SPOCD1: variants seen among roughly 807,000 people sequenced by gnomAD.
SPOCD1 encodes SPOC domain-containing protein 1.
In SPOCD1, 64 loss-of-function variants were observed where a neutral mutation model predicts 92.2. The observed-to-expected ratio is 0.69, with a 90% CI of 0.57 to 0.86. SPOCD1 has a LOEUF of 0.86. SPOCD1 is among the 40% of genes least tolerant of loss of function. SPOCD1 has a pLI of 0.00. For missense variants in SPOCD1, 1,360 were observed against 1,543.1 expected (o/e 0.88, Z 1.99); for synonymous variants, 578 against 619.3 (o/e 0.93, Z 0.99).
Position 31,798,667 on chromosome 1 carries a change from G to A in SPOCD1, c.1869-66C>T, listed in dbSNP as rs1403336310. The stretch of plus-strand genomic sequence containing the variant: ...GGCTCTCCAGGCACTTAGTCCCAGA[G>A]GGAGGCAGCTGGGTGGGCGGCAGGG... On this transcript the variant is annotated intron_variant, in intron 7 of 15. Transcript: ENST00000360482. The surrounding 1 kb of genome is among the most constrained non-coding windows in gnomAD (Gnocchi z 4.1). The A allele has an allele frequency of 1.3e-6, 2 of 1,555,112 alleles. No homozygotes were observed. The highest frequency in any genetic ancestry group is 2.3e-5 in the South Asian group (2 of 86,098).
In SPOCD1 at chr1:31,790,588, G is replaced by C; in HGVS notation, c.*15C>G. 6.5e-7 allele frequency: 1 copy of C among 1,549,944 alleles called. No homozygotes were observed. The highest frequency in any genetic ancestry group is 1.7e-4 in the Middle Eastern group (1 of 5,984). On this transcript the variant is annotated 3_prime_UTR_variant, in exon 16 of 16. Coordinates refer to ENST00000360482, the MANE Select transcript of SPOCD1 (RefSeq NM_144569.7). ...GTGAGGGCATCAAAACCCCTGTTCTGGTGGGTAAGGAGGGTCAGGCCTTTC... is the reference window on the plus strand; with the variant it reads ...GTGAGGGCATCAAAACCCCTGTTCTCGTGGGTAAGGAGGGTCAGGCCTTTC...
intron 2 of SPOCD1, among the ~76,000 whole-genome samples, chr1:31,808,937 T>G (rs1288159877): frequency 6.6e-6 from 1 of 152,242 alleles, no homozygotes; most frequent in Admixed American, 6.5e-5. Context: ...GGCTCATGCC[T>G]GCAATCCCAG....
chr1:31,796,528 G>A (rs1360079928), intron 10 of SPOCD1, 62 bp downstream of exon 10: 3 of 1,613,642 alleles, frequency 1.9e-6, no homozygotes, highest in Non-Finnish European at 2.5e-6. Context: ...CTGCTGGTGA[G>A]GCGAGGCGTG....
chr1:31,803,030 G>C (rs1211990091), intron 2 of SPOCD1, among the ~76,000 whole-genome samples: 2 of 31,756 alleles, frequency 6.3e-5, no homozygotes, highest in Admixed American at 6.3e-4. Flanking sequence ...AAACAGGGGT[G>C]TGGGAAGAAT....
intron 2 of SPOCD1, among the ~76,000 whole-genome samples, chr1:31,803,870 A>C (rs1421636517): frequency 2.0e-5 from 3 of 149,744 alleles, no homozygotes; most frequent in African/African-American, 7.6e-5. Flanking sequence ...AGGAAGAAAG[A>C]AGGAAGGAAG....
At chr1:31,804,483 A>G (rs11582164) in intron 2 of SPOCD1, among the ~76,000 whole-genome samples, 101,054 of 152,048 alleles carry the variant, frequency 0.66, 33,642 homozygotes, top group South Asian at 0.72. Context: ...GCAAAACATA[A>G]AAAAATAATA....
In SPOCD1 at chr1:31,815,223, G is replaced by C. The variant is rs768248004; in HGVS notation, c.111C>G (p.Gly37=). The C allele has an allele frequency of 6.2e-7, 1 of 1,607,458 alleles. No individual in the cohort carries two copies. Among genetic ancestry groups the C allele is most frequent in the Non-Finnish European group, 8.5e-7 (1 of 1,175,014 alleles). ...QNMEGASSMP[G]LSPDGPGASS... ...TTGCTCCCGGCCCATCTGGTGACAG[G>C]CCTGGCATGGAGCTGGCTCCTTCCA... Residue 37 remains glycine, a synonymous_variant, in exon 2 of 16, where the codon GGC becomes GGG. Transcript: ENST00000360482.
intron 10 of SPOCD1, chr1:31,795,800 T>C (rs1647969763): frequency 6.6e-6 from 1 of 152,408 alleles, no homozygotes; most frequent in South Asian, 2.1e-4. Context: ...TGACTGAATA[T>C]AGTTAAAGGG....
Position 31,791,244 on chromosome 1 carries a change from C to A in SPOCD1, c.3010G>T (p.Val1004Phe), listed in dbSNP as rs776289221. ...GCCAGCAACAGACTTGAGTGAGTGA[C>A]CTCCAGACCTGGGGAAAGGAGAGGG... The part of the protein sequence containing the change: ...VSPLLSPGLE[V>F]THSSLLLAVL... The change falls in exon 16 of 16, where the codon GTC becomes TTC. Residue 1004 changes from valine (V) to phenylalanine (F), a missense_variant. By Grantham distance (50) the Val-to-Phe change is conservative. Coordinates refer to ENST00000360482, the MANE Select transcript of SPOCD1 (RefSeq NM_144569.7). The A allele has an allele frequency of 4.4e-6, 7 of 1,577,590 alleles. No individual in the cohort carries two copies. The East Asian group carries it at 1.1e-4, about 25-fold the overall frequency.
At chr1:31,807,678 A>G (rs1347672880) in intron 2 of SPOCD1, among the ~76,000 whole-genome samples, 1 of 151,972 alleles carries the variant, frequency 6.6e-6, no homozygotes, top group Non-Finnish European at 1.5e-5. Context: ...GGAAGGTGAC[A>G]TTGACAACAA....
chr1:31,813,035 T>A (rs1649304077), intron 2 of SPOCD1, among the ~76,000 whole-genome samples: 1 of 152,224 alleles, frequency 6.6e-6, no homozygotes, highest in Non-Finnish European at 1.5e-5. Flanking sequence ...ATGATGATTA[T>A]AAGTAAAAGA....
Position 31,799,904 on chromosome 1 carries a change from C to T in SPOCD1, c.1729-41G>A, listed in dbSNP as rs374807469. The T allele has an allele frequency of 3.7e-6, 6 of 1,613,790 alleles. No homozygotes were observed. In the African/African-American group the frequency reaches 6.7e-5, roughly 18 times the overall value. On this transcript the variant is annotated intron_variant, in intron 5 of 15. Coordinates refer to ENST00000360482, the MANE Select transcript of SPOCD1 (RefSeq NM_144569.7). ...GAGGAATTGAGGCTGTGCTGGTGGG[C>T]CTGGCTTCCAGCCCAGGGGACACTG...
Position 31,790,609 on chromosome 1 carries a change from C to G in SPOCD1, c.3645G>C (p.Lys1215Asn). ...TTCTGGTGGGTAAGGAGGGTCAGGC[C>G]TTTCTAGGGAAGGGACACTCAGAGC... ...EAGSECPFPR[K>N]A Residue 1215 changes from lysine (K) to asparagine (N), a missense_variant, in exon 16 of 16, where the codon AAG becomes AAC. Transcript: ENST00000360482. 4 of 1,551,622 alleles carry G rather than the reference C, an allele frequency of 2.6e-6. No individual in the cohort carries two copies. The highest frequency in any genetic ancestry group is 3.5e-6 in the Non-Finnish European group (4 of 1,146,946).
intron 2 of SPOCD1, among the ~76,000 whole-genome samples, chr1:31,813,705 A>C (rs1649351007): frequency 6.6e-6 from 1 of 152,224 alleles, no homozygotes; most frequent in Non-Finnish European, 1.5e-5. Flanking sequence ...AAGTGGGCAG[A>C]GGCAAAATTC....
At chr1:31,811,099 G>T (rs1649167230) in intron 2 of SPOCD1, among the ~76,000 whole-genome samples, 1 of 152,214 alleles carries the variant, frequency 6.6e-6, no homozygotes, top group Non-Finnish European at 1.5e-5. Context: ...ACTCCTGGCA[G>T]TTCTGGGGCC....
Position 31,792,289 on chromosome 1 carries a change from T to TG in SPOCD1, c.2887dup (p.His963ProfsTer80). Reference sequence around the variant, plus strand: ...CAGGGGCAGCAGGACCATCCCCATGTGCTCCACAGAGGCCAGCCCGTGGCG... The same window carrying TG: ...CAGGGGCAGCAGGACCATCCCCATGTGGCTCCACAGAGGCCAGCCCGTGGCG... On this transcript the variant is annotated frameshift_variant, in exon 15 of 16. Transcript: ENST00000360482. LOFTEE classifies it high-confidence loss of function. 6.2e-7 allele frequency: 1 copy of TG among 1,613,762 alleles called. No individual in the cohort carries two copies. The highest frequency in any genetic ancestry group is 8.5e-7 in the Non-Finnish European group (1 of 1,179,918).
intron 6 of SPOCD1, 73 bp from the exon 7 acceptor site, chr1:31,799,558 G>T: frequency 7.3e-7 from 1 of 1,365,530 alleles, no homozygotes; most frequent in East Asian, 2.4e-5. Flanking sequence ...CAAGGCTGAT[G>T]GGTTTAGGCA....
intron 9 of SPOCD1, 148 bp from the exon 10 acceptor site, chr1:31,796,863 A>C: frequency 9.1e-7 from 1 of 1,103,758 alleles, no homozygotes; most frequent in Non-Finnish European, 1.3e-6. Context: ...CTCCTCTGGG[A>C]AGCCCTCCAC....
intron 3 of SPOCD1, among the ~76,000 whole-genome samples, chr1:31,801,299 G>A (rs894239137): frequency 6.6e-6 from 1 of 152,186 alleles, no homozygotes; most frequent in Non-Finnish European, 1.5e-5. Context: ...TAGAGAGCAA[G>A]GTGTTGTTGT....
Sources: gnomAD v4.1 joint callset for allele counts (sites outside exome capture counted in the v4.1 genomes callset) on GRCh38, gnomAD v4.1.1 for gene constraint, Gnocchi (gnomAD v3.1) non-coding constraint, MANE v1.5 for transcripts, NCBI Gene and HGNC (gene_info 2026-07-23, HGNC 2026-07-21) for gene names.